IGSF21: variants seen among roughly 807,000 people sequenced by gnomAD.
IGSF21 encodes immunoglobulin superfamily member 21.
Under a neutral mutation model 46.8 loss-of-function variants are expected in IGSF21, and 28 were observed. The observed-to-expected ratio is 0.60, with a 90% CI of 0.44 to 0.82. IGSF21 has a LOEUF of 0.82. Among genes scored for constraint, IGSF21 ranks in the 40% least tolerant of loss-of-function variants. The pLI is 0.00. For missense variants in IGSF21, 624 were observed against 665.5 expected (o/e 0.94, Z 0.69); for synonymous variants, 284 against 273.6 (o/e 1.04, Z -0.38).
intron 1 of IGSF21, chr1:18,114,837 C>G (rs538404532): frequency 5.9e-4 from 90 of 152,320 alleles, no homozygotes; most frequent in African/African-American, 2.2e-3. Context: ...CATCCTCAAC[C>G]CATTGCTGGA....
chr1:18,125,666 C>T (rs1011450033), intron 1 of IGSF21, among the ~76,000 whole-genome samples: 9 of 152,162 alleles, frequency 5.9e-5, no homozygotes, highest in Admixed American at 2.0e-4. Flanking sequence ...TGGGCACTGG[C>T]GATACAGTGG....
chr1:18,347,168 C>G (rs1328673807), intron 4 of IGSF21, among the ~76,000 whole-genome samples: 3 of 151,906 alleles, frequency 2.0e-5, no homozygotes, highest in Non-Finnish European at 4.4e-5. Context: ...AACCCTCCCT[C>G]CCTCCCTCTC....
Position 18,335,386 on chromosome 1 carries a change from T to C in IGSF21, c.424+376T>C, listed in dbSNP as rs577473783. ...TCCTGAGGCCTTAATGGAGAGGGCA[T>C]AGGATCTGGAGATGAATTAGAAAGC... On this transcript the variant is annotated intron_variant, in intron 4 of 9. Coordinates refer to ENST00000251296, the MANE Select transcript of IGSF21 (RefSeq NM_032880.5). The surrounding 1 kb of genome is among the most constrained non-coding windows in gnomAD (Gnocchi z 4.8). 1.3e-4 allele frequency among the ~76,000 whole-genome samples: 20 copies of C among 152,210 alleles called. No homozygotes were observed. Among genetic ancestry groups the C allele is most frequent in the Non-Finnish European group, 2.4e-4 (16 of 68,040 alleles).
chr1:18,334,720 G>A lies in IGSF21; in HGVS notation c.306-172G>A, dbSNP rs547751744. On this transcript the variant is annotated intron_variant, in intron 3 of 9. Transcript: ENST00000251296. The surrounding 1 kb of genome is among the most constrained non-coding windows in gnomAD (Gnocchi z 4.3). The stretch of plus-strand genomic sequence containing the variant: ...TTCACTGTCTGAGATGCCGAGCACA[G>A]GGTCTGCATACAGTCGGTGTTCCAT... Among the ~76,000 whole-genome samples the A allele has an allele frequency of 6.6e-6, 1 of 152,188 alleles. No homozygotes were observed. Among genetic ancestry groups the A allele is most frequent in the Non-Finnish European group, 1.5e-5 (1 of 68,034 alleles).
chr1:18,250,090 C>CCTCCCTCA (rs2084824435), intron 2 of IGSF21, among the ~76,000 whole-genome samples: 1 of 93,584 alleles, frequency 1.1e-5, no homozygotes. Context: ...TCCCCCACTC[C>CCTCCCTCA]CTCCCTCGCT....
At chr1:18,238,057 T>A (rs2084689613) in intron 2 of IGSF21, among the ~76,000 whole-genome samples, 1 of 152,114 alleles carries the variant, frequency 6.6e-6, no homozygotes, top group Non-Finnish European at 1.5e-5. Flanking sequence ...TGTGTTTTTG[T>A]GGGAGAAAGG....
intron 1 of IGSF21, among the ~76,000 whole-genome samples, chr1:18,177,949 G>A (rs1016447258): frequency 3.9e-5 from 6 of 152,092 alleles, no homozygotes; most frequent in African/African-American, 1.4e-4. Context: ...ATGCAAAGGT[G>A]GGCACGATGG....
At chr1:18,115,901 G>GAAAGAAAGAAAGAAAGA (rs1553146741) in intron 1 of IGSF21, 14 of 89,476 alleles carry the variant, frequency 1.6e-4, no homozygotes, top group South Asian at 1.1e-3. Flanking sequence ...AAGAAAGAAA[G>GAAAGAAAGAAAGAAAGA]AAGGAGAGGG....
At chr1:18,133,713 T>C (rs1329615336) in intron 1 of IGSF21, among the ~76,000 whole-genome samples, 1 of 152,172 alleles carries the variant, frequency 6.6e-6, no homozygotes, top group Non-Finnish European at 1.5e-5. Flanking sequence ...CCTGCCTCGG[T>C]TTATAATGAC....
chr1:18,369,806 A>T (rs2086206467), intron 6 of IGSF21, among the ~76,000 whole-genome samples: 1 of 152,056 alleles, frequency 6.6e-6, no homozygotes, highest in Non-Finnish European at 1.5e-5. Context: ...CTCCAGGAAG[A>T]TTTCTCTGAC....
chr1:18,366,292 G>A (rs531973631), intron 6 of IGSF21, among the ~76,000 whole-genome samples: 9 of 152,214 alleles, frequency 5.9e-5, no homozygotes, highest in African/African-American at 2.2e-4. Context: ...CACAAGAGTC[G>A]GGTTTCTTCA....
intron 2 of IGSF21, among the ~76,000 whole-genome samples, chr1:18,278,124 C>T (rs946167859): frequency 1.3e-5 from 2 of 151,780 alleles, no homozygotes; most frequent in Admixed American, 6.6e-5. Flanking sequence ...TGGAAGGCAT[C>T]GAATAAATAA....
At chr1:18,169,078 C>G (rs906169852) in intron 1 of IGSF21, among the ~76,000 whole-genome samples, 6 of 152,366 alleles carry the variant, frequency 3.9e-5, no homozygotes, top group Admixed American at 3.9e-4. Flanking sequence ...GGAGCACCCA[C>G]TTGGCAAATG....
At chr1:18,170,010 A>G (rs10796442) in intron 1 of IGSF21, among the ~76,000 whole-genome samples, 88,588 of 152,032 alleles carry the variant, frequency 0.58, 26,122 homozygotes, top group Middle Eastern at 0.65. Context: ...CACAGATCTT[A>G]GGACCAAGTG....
chr1:18,247,377 G>A (rs1469454990), intron 2 of IGSF21, among the ~76,000 whole-genome samples: 1 of 152,136 alleles, frequency 6.6e-6, no homozygotes, highest in Non-Finnish European at 1.5e-5. Context: ...CCTGGGACCT[G>A]CTGCCAGCCT....
rs371801962 is a variant in IGSF21 at position 18,212,077 on chromosome 1, G to T, written c.71-15821G>T. On this transcript the variant is annotated intron_variant, in intron 1 of 9. Coordinates refer to ENST00000251296, the MANE Select transcript of IGSF21 (RefSeq NM_032880.5). The stretch of plus-strand genomic sequence containing the variant: ...GATGGGGGTGGAGGGGCGCAGAGAA[G>T]TGGGATAGCTGCAGGGAGCTGGAGC... Among the ~76,000 whole-genome samples, 13 of 152,376 alleles carry T rather than the reference G, an allele frequency of 8.5e-5. No homozygotes were observed. The South Asian group carries it at 2.5e-3, about 29-fold the overall frequency.
intron 2 of IGSF21, among the ~76,000 whole-genome samples, chr1:18,240,207 G>A (rs933552735): frequency 2.0e-5 from 3 of 152,214 alleles, no homozygotes; most frequent in Non-Finnish European, 4.4e-5. Flanking sequence ...ATTGAGCCCA[G>A]GAGGTCAAAG....
intron 2 of IGSF21, among the ~76,000 whole-genome samples, chr1:18,244,103 C>T (rs542560231): frequency 2.0e-4 from 31 of 152,318 alleles, no homozygotes; most frequent in Admixed American, 1.2e-3. Context: ...CTGATTTGGA[C>T]GACAAATGAC....
chr1:18,320,648 CCCTGGT>C (rs911842524), intron 3 of IGSF21, among the ~76,000 whole-genome samples: 1 of 152,180 alleles, frequency 6.6e-6, no homozygotes, highest in African/African-American at 2.4e-5. Flanking sequence ...CTGAAGCTGC[CCCTGGT>C]CCATCCCAAA....
Sources: gnomAD v4.1 joint callset for allele counts (sites outside exome capture counted in the v4.1 genomes callset) on GRCh38, gnomAD v4.1.1 for gene constraint, Gnocchi (gnomAD v3.1) non-coding constraint, MANE v1.5 for transcripts, NCBI Gene and HGNC (gene_info 2026-07-23, HGNC 2026-07-21) for gene names.